CD80: variants seen among roughly 807,000 people sequenced by gnomAD.
The protein encoded by CD80 is CD80 molecule.
In CD80, 13 loss-of-function variants were observed where a neutral mutation model predicts 27.1. The observed-to-expected ratio is 0.48, with a 90% CI of 0.31 to 0.76. CD80 has a LOEUF of 0.76. Among genes scored for constraint, CD80 ranks in the 30% least tolerant of loss-of-function variants. The pLI is 0.04. For missense variants in CD80, 277 were observed against 347.9 expected (o/e 0.80, Z 1.62); for synonymous variants, 125 against 125.5 (o/e 1.00, Z 0.03).
Position 119,524,822 on chromosome 3 carries a change from A to G in CD80, c.*966T>C, listed in dbSNP as rs1372980867. 1 of 152,182 alleles carries G rather than the reference A, an allele frequency of 6.6e-6. No individual in the cohort carries two copies. The highest frequency in any genetic ancestry group is 1.5e-5 in the Non-Finnish European group (1 of 68,032). 9.4% of individuals were successfully genotyped at this position (152,182 alleles called of 1,614,324 possible). ...GCTGATGTCAGAAAGACCCAGAAATACCAAGGAGAAAAAGCCATCTTAGGG... is the reference window on the plus strand; with the variant it reads ...GCTGATGTCAGAAAGACCCAGAAATGCCAAGGAGAAAAAGCCATCTTAGGG... On this transcript the variant is annotated 3_prime_UTR_variant, in exon 7 of 7. Coordinates refer to ENST00000264246, the MANE Select transcript of CD80 (RefSeq NM_005191.4).
chr3:119,535,672 C>A (rs1360498953), intron 4 of CD80, among the ~76,000 whole-genome samples: 2 of 152,106 alleles, frequency 1.3e-5, no homozygotes, highest in African/African-American at 2.4e-5. Context: ...TCCAAAATGA[C>A]CTCTTTTCAG....
At chr3:119,533,582 A>C (rs555482014) in intron 4 of CD80, among the ~76,000 whole-genome samples, 2 of 152,222 alleles carry the variant, frequency 1.3e-5, no homozygotes, top group South Asian at 4.2e-4. Flanking sequence ...GTGATAGTTA[A>C]TGAGTCTCAC....
Position 119,525,548 on chromosome 3 carries a change from A to T in CD80, c.*240T>A, listed in dbSNP as rs1444032859. 1 of 152,412 alleles carries T rather than the reference A, an allele frequency of 6.6e-6. No individual in the cohort carries two copies. Among genetic ancestry groups the T allele is most frequent in the African/African-American group, 2.4e-5 (1 of 41,454 alleles). 9.4% of individuals were successfully genotyped at this position (152,412 alleles called of 1,614,324 possible). A position where few individuals can be genotyped will look rare whatever the true frequency, so the allele number is the denominator to read the frequency against. ...TGGTATTCTCTAAAGTCCCTTCCAG[A>T]ACTCAAGAATTCTGCATTTCAAAAC... is the stretch of plus-strand genomic sequence containing the variant. On this transcript the variant is annotated 3_prime_UTR_variant, in exon 7 of 7. Transcript: ENST00000264246.
intron 3 of CD80, among the ~76,000 whole-genome samples, chr3:119,540,971 C>T (rs567318466): frequency 3.0e-4 from 46 of 152,188 alleles, no homozygotes; most frequent in African/African-American, 1.0e-3. Context: ...TCGCTTGAAC[C>T]CAGGAGGCAG....
chr3:119,543,435 G>A (rs2082181519), intron 3 of CD80, among the ~76,000 whole-genome samples: 1 of 150,736 alleles, frequency 6.6e-6, no homozygotes. Context: ...TACCAGTAGG[G>A]AAATGCTCAC....
At chr3:119,547,507 A>G (rs1292321008) in intron 2 of CD80, among the ~76,000 whole-genome samples, 2 of 152,226 alleles carry the variant, frequency 1.3e-5, no homozygotes. Context: ...ACTTGCAGAT[A>G]TCTGAGGATA....
chr3:119,543,855 A>G (rs2082184934), intron 3 of CD80, among the ~76,000 whole-genome samples: 1 of 150,878 alleles, frequency 6.6e-6, no homozygotes, highest in African/African-American at 2.4e-5. Context: ...ACGTTCACAT[A>G]CTACCTGAAA....
intron 2 of CD80, among the ~76,000 whole-genome samples, chr3:119,546,349 T>C (rs1484332371): frequency 6.6e-6 from 1 of 152,186 alleles, no homozygotes; most frequent in Non-Finnish European, 1.5e-5. Context: ...CTTTTTTTGC[T>C]TCCTCTGTGG....
intron 3 of CD80, among the ~76,000 whole-genome samples, chr3:119,540,123 G>T (rs1196314605): frequency 6.6e-6 from 1 of 152,122 alleles, no homozygotes; most frequent in East Asian, 1.9e-4. Context: ...CTAATTTCTT[G>T]TATTTTTAAT....
In CD80 at chr3:119,530,078, G is replaced by A. The variant is rs2082101676; in HGVS notation, c.701-141C>T. ...GTATGCAGCTGCTAGCATTTTTCTTGCATAATTCTTCAATCAGGCACATAC... is the reference window on the plus strand; with the variant it reads ...GTATGCAGCTGCTAGCATTTTTCTTACATAATTCTTCAATCAGGCACATAC... On this transcript the variant is annotated intron_variant, in intron 4 of 6. Coordinates refer to ENST00000264246, the MANE Select transcript of CD80 (RefSeq NM_005191.4). 8 of 584,084 alleles carry A rather than the reference G, an allele frequency of 1.4e-5. No homozygotes were observed. In the South Asian group the frequency reaches 1.9e-4, roughly 14 times the overall value. 36.2% of individuals were successfully genotyped at this position (584,084 alleles called of 1,614,324 possible).
chr3:119,541,990 G>T (rs1482975807), intron 3 of CD80, among the ~76,000 whole-genome samples: 1 of 151,012 alleles, frequency 6.6e-6, no homozygotes, highest in Admixed American at 6.6e-5. Context: ...CTTCTCTCTC[G>T]GTAGTCCATT....
chr3:119,529,297 A>G (rs1017921632), intron 5 of CD80, among the ~76,000 whole-genome samples: 5 of 152,148 alleles, frequency 3.3e-5, no homozygotes, highest in East Asian at 1.9e-4. Context: ...TAGTTTCTCA[A>G]CTGTATTAGT....
chr3:119,557,949 A>T (rs112259706), intron 1 of CD80, 21 bp from the exon 2 acceptor site: 1 of 367,266 alleles, frequency 2.7e-6, no homozygotes, highest in African/African-American at 2.1e-5. Flanking sequence ...AACAAATAAA[A>T]GTCATTCAGG....
chr3:119,544,290 G>C (rs1209905526), intron 3 of CD80: 1 of 478,896 alleles, frequency 2.1e-6, no homozygotes, highest in African/African-American at 1.9e-5. Context: ...TGATTGAGAG[G>C]CTCTTTAGGT....
intron 2 of CD80, among the ~76,000 whole-genome samples, chr3:119,550,287 A>C (rs1355261267): frequency 2.0e-5 from 3 of 151,998 alleles, no homozygotes; most frequent in African/African-American, 7.3e-5. Context: ...AAAGAATCCA[A>C]TATTTCTCAC....
rs181720305 is a variant in CD80 at position 119,555,164 on chromosome 3, C to A, written c.100+2465G>T. On this transcript the variant is annotated intron_variant, in intron 2 of 6. Coordinates refer to ENST00000264246, the MANE Select transcript of CD80 (RefSeq NM_005191.4). ...CATCGAAAAATTGAATGTAAAGTAACCCCCTCCCCACATATTCACAGCTTC... is the reference window on the plus strand; with the variant it reads ...CATCGAAAAATTGAATGTAAAGTAAACCCCTCCCCACATATTCACAGCTTC... Among the ~76,000 whole-genome samples, 43 of 152,256 alleles carry A rather than the reference C, an allele frequency of 2.8e-4. No homozygotes were observed. The East Asian group carries it at 7.7e-3, about 27-fold the overall frequency.
In CD80 at chr3:119,557,791, A is replaced by G. The variant is rs2082272450; in HGVS notation, c.-63T>C. The G allele has an allele frequency of 8.4e-7, 1 of 1,184,754 alleles. No homozygotes were observed. Among genetic ancestry groups the G allele is most frequent in the Admixed American group, 2.1e-5 (1 of 46,934 alleles). 73.4% of individuals were successfully genotyped at this position (1,184,754 alleles called of 1,614,324 possible). On this transcript the variant is annotated 5_prime_UTR_variant, in exon 2 of 7. Transcript: ENST00000264246. ...ATTTGGACCCAAGTAAGACCAGGGC[A>G]CTTCCCAGGTGCAAAACAGGCAGGG...
At chr3:119,537,100 C>T (rs777957703) in intron 4 of CD80, 37 bp downstream of exon 4, 15 of 1,566,306 alleles carry the variant, frequency 9.6e-6, no homozygotes, top group African/African-American at 6.8e-5. Flanking sequence ...TTTTTAGATT[C>T]GATATAGTAG....
chr3:119,532,712 A>G (rs1017124344), intron 4 of CD80, among the ~76,000 whole-genome samples: 1 of 151,980 alleles, frequency 6.6e-6, no homozygotes, highest in African/African-American at 2.4e-5. Context: ...GCTCCCATGT[A>G]TTTTCTGTTC....
Sources: gnomAD v4.1 joint callset for allele counts (sites outside exome capture counted in the v4.1 genomes callset) on GRCh38, gnomAD v4.1.1 for gene constraint, MANE v1.5 for transcripts, NCBI Gene and HGNC (gene_info 2026-07-23, HGNC 2026-07-21) for gene names.